The following CTDSPL variants were observed in gnomAD, a reference collection of about 807,000 sequenced individuals.
The protein encoded by CTDSPL is CTD small phosphatase-like protein.
A neutral mutation model predicts 30.5 loss-of-function variants in CTDSPL; 8 were observed. That is an observed-to-expected ratio of 0.26 (90% CI 0.15 to 0.47). The LOEUF (loss-of-function observed/expected upper bound fraction) is 0.47. Ranked by LOEUF, CTDSPL falls within the 20% of genes least tolerant of loss-of-function variation. The pLI is 0.99. For missense variants in CTDSPL, 248 were observed against 366.1 expected (o/e 0.68, Z 2.63); for synonymous variants, 110 against 137.9 (o/e 0.80, Z 1.42).
intron 1 of CTDSPL, among the ~76,000 whole-genome samples, chr3:37,901,057 A>G (rs1698444831): frequency 6.6e-6 from 1 of 152,184 alleles, no homozygotes; most frequent in Non-Finnish European, 1.5e-5. Flanking sequence ...TCAGCCTCCC[A>G]AAGTGCTGGG....
chr3:37,915,047 G>A (rs1412929600), intron 1 of CTDSPL, among the ~76,000 whole-genome samples: 1 of 151,788 alleles, frequency 6.6e-6, no homozygotes, highest in East Asian at 1.9e-4. Flanking sequence ...GCCATGCCCA[G>A]CCAGTGTTAT....
chr3:37,971,259 ACAGTCTAGGC>A, intron 5 of CTDSPL, 138 bp from the exon 6 acceptor site: 1 of 647,912 alleles, frequency 1.5e-6, no homozygotes, highest in Non-Finnish European at 2.7e-6. Flanking sequence ...AGCCCCTCAT[ACAGTCTAGGC>A]CTCTGCCTGC....
chr3:37,931,468 C>T (rs1698854585), intron 1 of CTDSPL, among the ~76,000 whole-genome samples: 1 of 152,072 alleles, frequency 6.6e-6, no homozygotes, highest in South Asian at 2.1e-4. Flanking sequence ...TCTGTGTCTT[C>T]TCTGTGTCTT....
chr3:37,892,625 A>T (rs1055317602), intron 1 of CTDSPL, among the ~76,000 whole-genome samples: 1 of 152,042 alleles, frequency 6.6e-6, no homozygotes, highest in African/African-American at 2.4e-5. Context: ...AGGTTGCCAG[A>T]GTAGAAAGAC....
At chr3:37,936,340 G>A (rs1446166873) in intron 1 of CTDSPL, among the ~76,000 whole-genome samples, 7 of 152,122 alleles carry the variant, frequency 4.6e-5, no homozygotes, top group Admixed American at 4.6e-4. Context: ...CTCTTTTCTA[G>A]AAGAAAAGGA....
At chr3:37,926,856 CG>C (rs1160532578) in intron 1 of CTDSPL, among the ~76,000 whole-genome samples, 3 of 152,134 alleles carry the variant, frequency 2.0e-5, no homozygotes, top group Non-Finnish European at 2.9e-5. Flanking sequence ...CAGTCCAGAG[CG>C]GGTGGGAAAG....
At chr3:37,909,923 C>G (rs1407981980) in intron 1 of CTDSPL, among the ~76,000 whole-genome samples, 1 of 152,214 alleles carries the variant, frequency 6.6e-6, no homozygotes, top group Non-Finnish European at 1.5e-5. Flanking sequence ...TCACACATTC[C>G]TGTTCTCACA....
chr3:37,911,595 A>C (rs1698583496), intron 1 of CTDSPL: 2 of 446,772 alleles, frequency 4.5e-6, no homozygotes, highest in African/African-American at 2.0e-5. Flanking sequence ...CCCAACATGA[A>C]CCTTTGGCAA....
chr3:37,982,533 TA>T lies in CTDSPL; in HGVS notation c.*1670del. ...CAAGACTGGAAATCGGGGGTCAAAGTAAAATATCTTTGTTTTGCTTTCATTC... is the reference window on the plus strand; with the variant it reads ...CAAGACTGGAAATCGGGGGTCAAAGTAAATATCTTTGTTTTGCTTTCATTC... On this transcript the variant is annotated 3_prime_UTR_variant, in exon 8 of 8. Coordinates refer to ENST00000273179, the MANE Select transcript of CTDSPL (RefSeq NM_001008392.2). The T allele has an allele frequency of 4.4e-6, 2 of 456,580 alleles. No homozygotes were observed. Among genetic ancestry groups the T allele is most frequent in the Admixed American group, 2.3e-5 (1 of 42,560 alleles). 28.3% of individuals were successfully genotyped at this position (456,580 alleles called of 1,614,324 possible). A position where few individuals can be genotyped will look rare whatever the true frequency, so the allele number is the denominator to read the frequency against.
chr3:37,934,671 A>G (rs2125616729), intron 1 of CTDSPL, among the ~76,000 whole-genome samples: 1 of 152,318 alleles, frequency 6.6e-6, no homozygotes. Flanking sequence ...GGTTGGCCAT[A>G]TGTGGATGGC....
At chr3:37,910,819 G>A (rs1698574851) in intron 1 of CTDSPL, among the ~76,000 whole-genome samples, 1 of 152,168 alleles carries the variant, frequency 6.6e-6, no homozygotes, top group Non-Finnish European at 1.5e-5. Context: ...TCTACAGGGT[G>A]GGTGCCATGG....
At chr3:37,870,073 T>A in intron 1 of CTDSPL, among the ~76,000 whole-genome samples, 1 of 152,084 alleles carries the variant, frequency 6.6e-6, no homozygotes, top group Non-Finnish European at 1.5e-5. Flanking sequence ...TTTTTTGTGT[T>A]GTCTTTATCT....
At position 37,983,468 on chromosome 3, in the gene CTDSPL, T is replaced by C. The variant is rs1699516933; in HGVS notation, c.*2601T>C. ...TTAAATTGTGGGCTTTGAAACCTAA[T>C]GAAACCTGTTAGCCACTTCTCTGTG... On this transcript the variant is annotated 3_prime_UTR_variant, in exon 8 of 8. Coordinates refer to ENST00000273179, the MANE Select transcript of CTDSPL (RefSeq NM_001008392.2). 6.6e-6 allele frequency: 1 copy of C among 152,628 alleles called. No individual in the cohort carries two copies. Among genetic ancestry groups the C allele is most frequent in the African/African-American group, 2.4e-5 (1 of 41,444 alleles). The allele number at this position is 152,628 out of a possible 1,614,324, so 9.5% of individuals were successfully genotyped here.
intron 2 of CTDSPL, among the ~76,000 whole-genome samples, chr3:37,953,789 T>C (rs1317346277): frequency 6.6e-6 from 1 of 152,188 alleles, no homozygotes; most frequent in East Asian, 1.9e-4. Context: ...GATAAAAAGC[T>C]ATCTTCTAAA....
chr3:37,889,553 A>T (rs1698301272), intron 1 of CTDSPL, among the ~76,000 whole-genome samples: 1 of 152,224 alleles, frequency 6.6e-6, no homozygotes, highest in African/African-American at 2.4e-5. Flanking sequence ...TAGGAGTTCC[A>T]GGAGAACACA....
chr3:37,890,129 G>A (rs1698308251), intron 1 of CTDSPL, among the ~76,000 whole-genome samples: 1 of 152,210 alleles, frequency 6.6e-6, no homozygotes. Flanking sequence ...ATTCCCAAAT[G>A]ATCTGATATA....
chr3:37,978,051 A>G (rs979270764), intron 7 of CTDSPL, among the ~76,000 whole-genome samples: 8 of 152,342 alleles, frequency 5.3e-5, no homozygotes, highest in Non-Finnish European at 1.0e-4. Context: ...CTATTATAAA[A>G]TTCTCCCATG....
Position 37,975,975 on chromosome 3 carries a change from T to A in CTDSPL, c.705+81T>A. The A allele has an allele frequency of 6.9e-7, 1 of 1,442,548 alleles. No individual in the cohort carries two copies. Among genetic ancestry groups the A allele is most frequent in the Non-Finnish European group, 9.5e-7 (1 of 1,054,430 alleles). The allele number at this position is 1,442,548 out of a possible 1,614,324, so 89.4% of individuals were successfully genotyped here. ...CAGGCAGGTACCACTTTTGAGCACC[T>A]ACACAAGAAGGTCTCTGGGCCTTTT... On this transcript the variant is annotated intron_variant, in intron 7 of 7. Transcript: ENST00000273179. The surrounding 1 kb of genome is among the most constrained non-coding windows in gnomAD (Gnocchi z 4.9).
intron 3 of CTDSPL, among the ~76,000 whole-genome samples, chr3:37,958,755 A>T (rs1016404696): frequency 2.6e-5 from 4 of 152,252 alleles, no homozygotes; most frequent in Admixed American, 6.5e-5. Context: ...GGGTCAGGCC[A>T]TGTGAACCTA....
Sources: allele counts gnomAD v4.1 joint callset (sites outside exome capture counted in the v4.1 genomes callset), GRCh38; gene constraint gnomAD v4.1.1; non-coding constraint Gnocchi (gnomAD v3.1); transcripts MANE v1.5; gene names NCBI Gene and HGNC (gene_info 2026-07-23, HGNC 2026-07-21).